NOVA1: variants seen among roughly 807,000 people sequenced by gnomAD.
The protein encoded by NOVA1 is NOVA alternative splicing regulator 1.
A neutral mutation model predicts 38.0 loss-of-function variants in NOVA1; 7 were observed. That is an observed-to-expected ratio of 0.18 (90% CI 0.10 to 0.35). The LOEUF (loss-of-function observed/expected upper bound fraction) is 0.35, where lower values mean the gene tolerates loss of function less well. Among genes scored for constraint, NOVA1 ranks in the 10% least tolerant of loss-of-function variants. NOVA1 has a pLI of 1.00. For synonymous variants in NOVA1, 270 were observed against 232.5 expected, an observed-to-expected ratio of 1.16 and a Z score of -1.47; for missense variants, 460 against 616.0, an observed-to-expected ratio of 0.75 and a Z score of 2.68.
At chr14:26,501,899 T>A (rs1327211001) in intron 2 of NOVA1, among the ~76,000 whole-genome samples, 1 of 151,934 alleles carries the variant, frequency 6.6e-6, no homozygotes, top group Non-Finnish European at 1.5e-5. Context: ...TTTATGGAAA[T>A]AAAGATAAGG....
chr14:26,529,013 G>A (rs1889502537), intron 2 of NOVA1, among the ~76,000 whole-genome samples: 1 of 152,116 alleles, frequency 6.6e-6, no homozygotes, highest in Non-Finnish European at 1.5e-5. Flanking sequence ...GGCTCTGGAT[G>A]AGGAGCTTGG....
chr14:26,566,968 T>C (rs116510749), intron 2 of NOVA1, among the ~76,000 whole-genome samples: 3,314 of 152,194 alleles, frequency 0.022, 100 homozygotes, highest in African/African-American at 0.066. Context: ...ATACCGTTAA[T>C]ATCTTCAAAA....
At chr14:26,490,474 T>C (rs1320457488) in intron 2 of NOVA1, among the ~76,000 whole-genome samples, 11 of 152,092 alleles carry the variant, frequency 7.2e-5, no homozygotes, top group Non-Finnish European at 1.2e-4. Context: ...TGTAAAAGGG[T>C]TCCAATTTCT....
chr14:26,561,218 C>T (rs1055828157), intron 2 of NOVA1, among the ~76,000 whole-genome samples: 1 of 152,174 alleles, frequency 6.6e-6, no homozygotes, highest in Non-Finnish European at 1.5e-5. Flanking sequence ...TAGCAGGCCA[C>T]AGACCGGACC....
At chr14:26,490,312 G>A (rs1436956464) in intron 2 of NOVA1, among the ~76,000 whole-genome samples, 1 of 152,128 alleles carries the variant, frequency 6.6e-6, no homozygotes, top group Non-Finnish European at 1.5e-5. Flanking sequence ...CTGCTGCAAT[G>A]AACACTGGTA....
chr14:26,489,755 G>T (rs1886189223), intron 2 of NOVA1, among the ~76,000 whole-genome samples: 1 of 151,986 alleles, frequency 6.6e-6, no homozygotes, highest in Admixed American at 6.6e-5. Context: ...AGAATCACTT[G>T]AATTTGCGAG....
At chr14:26,562,043 G>A (rs1029975950) in intron 2 of NOVA1, among the ~76,000 whole-genome samples, 4 of 152,110 alleles carry the variant, frequency 2.6e-5, no homozygotes, top group Non-Finnish European at 5.9e-5. Flanking sequence ...TGTGTATGCT[G>A]AATATTTATA....
intron 2 of NOVA1, chr14:26,549,451 T>C (rs535093465): frequency 4.1e-5 from 7 of 171,084 alleles, no homozygotes; most frequent in East Asian, 3.9e-4. Context: ...GTGAAGAATA[T>C]TGATAAAAGC....
At chr14:26,519,776 G>A (rs1254356077) in intron 2 of NOVA1, among the ~76,000 whole-genome samples, 2 of 151,920 alleles carry the variant, frequency 1.3e-5, no homozygotes, top group Admixed American at 6.6e-5. Context: ...ACTTTGAGAG[G>A]ACCAGATAAT....
At chr14:26,583,458 G>A (rs1187248403) in intron 2 of NOVA1, among the ~76,000 whole-genome samples, 1 of 151,434 alleles carries the variant, frequency 6.6e-6, no homozygotes, top group East Asian at 1.9e-4. Context: ...ATTATGAATA[G>A]CACTTAAATA....
chr14:26,524,722 G>A (rs1889174695), intron 2 of NOVA1, among the ~76,000 whole-genome samples: 2 of 152,112 alleles, frequency 1.3e-5, no homozygotes, highest in Non-Finnish European at 2.9e-5. Flanking sequence ...ATGATGTGAA[G>A]ATTTTCTCTT....
intron 2 of NOVA1, among the ~76,000 whole-genome samples, chr14:26,540,775 C>G (rs1311195529): frequency 2.0e-5 from 3 of 152,094 alleles, no homozygotes; most frequent in Non-Finnish European, 4.4e-5. Flanking sequence ...GACTTAAATA[C>G]CAGGAATCAA....
At chr14:26,579,966 C>T (rs1893108634) in intron 2 of NOVA1, among the ~76,000 whole-genome samples, 1 of 151,826 alleles carries the variant, frequency 6.6e-6, no homozygotes, top group Admixed American at 6.6e-5. Context: ...CACTATATTG[C>T]CCAGGCTATT....
chr14:26,571,434 T>C lies in NOVA1; in HGVS notation c.280+23976A>G, dbSNP rs181949231. Among the ~76,000 whole-genome samples, 16 of 152,244 alleles carry C rather than the reference T, an allele frequency of 1.1e-4. No individual in the cohort carries two copies. The East Asian group carries it at 2.7e-3, about 26-fold the overall frequency. The stretch of plus-strand genomic sequence containing the variant: ...CTTAACGATGTTCTCTGTTCCTAAG[T>C]GGGCAGAAAAAACAATAAAGAGAAA... On this transcript the variant is annotated intron_variant, in intron 2 of 4. Coordinates refer to ENST00000539517, the MANE Select transcript of NOVA1 (RefSeq NM_002515.3).
chr14:26,443,102 G>A lies in NOVA1; in HGVS notation c.*4857C>T, dbSNP rs1484397287. On this transcript the variant is annotated 3_prime_UTR_variant, in exon 5 of 5. Transcript: ENST00000539517. Reference sequence around the variant, plus strand: ...TAATTAAAACTAATTTGTGTTTAAAGCTATTTGCAGATTTATTAGAGAAAC... The same window carrying A: ...TAATTAAAACTAATTTGTGTTTAAAACTATTTGCAGATTTATTAGAGAAAC... 1 of 151,914 alleles carries A rather than the reference G, an allele frequency of 6.6e-6. No individual in the cohort carries two copies. The highest frequency in any genetic ancestry group is 1.5e-5 in the Non-Finnish European group (1 of 67,888). The allele number at this position is 151,914 out of a possible 1,614,324, so 9.4% of individuals were successfully genotyped here. A position where few individuals can be genotyped will look rare whatever the true frequency, so the allele number is the denominator to read the frequency against.
chr14:26,567,975 CCCAA>C (rs1892235685), intron 2 of NOVA1, among the ~76,000 whole-genome samples: 1 of 152,028 alleles, frequency 6.6e-6, no homozygotes, highest in African/African-American at 2.4e-5. Flanking sequence ...TGTGATACCT[CCCAA>C]CCAAACAAAA....
intron 2 of NOVA1, among the ~76,000 whole-genome samples, chr14:26,581,718 T>C (rs1248055866): frequency 6.6e-6 from 1 of 151,968 alleles, no homozygotes; most frequent in African/African-American, 2.4e-5. Context: ...CTCCCAGTGA[T>C]GGGCAAATGT....
At chr14:26,544,723 A>G (rs1890684719) in intron 2 of NOVA1, among the ~76,000 whole-genome samples, 2 of 152,052 alleles carry the variant, frequency 1.3e-5, no homozygotes, top group African/African-American at 4.8e-5. Flanking sequence ...TGAGAAGAAA[A>G]AAAGCAAGCA....
intron 2 of NOVA1, among the ~76,000 whole-genome samples, chr14:26,482,005 A>C (rs1052704442): frequency 6.8e-6 from 1 of 146,652 alleles, no homozygotes; most frequent in African/African-American, 2.5e-5. Flanking sequence ...AAAAAAAAAA[A>C]AAAAAAAAAC....
Sources: gnomAD v4.1 joint callset for allele counts (sites outside exome capture counted in the v4.1 genomes callset) on GRCh38, gnomAD v4.1.1 for gene constraint, MANE v1.5 for transcripts, NCBI Gene and HGNC (gene_info 2026-07-23, HGNC 2026-07-21) for gene names.